Variants in HDAC9 observed in about 807,000 individuals in gnomAD.
The protein encoded by HDAC9 is MEF-2 interacting transcription repressor (MITR) protein.
Under a neutral mutation model 139.4 loss-of-function variants are expected in HDAC9, and 41 were observed. The observed-to-expected ratio is 0.29, with a 90% CI of 0.23 to 0.38. The LOEUF (loss-of-function observed/expected upper bound fraction) is 0.38. Ranked by LOEUF, HDAC9 falls within the 10% of genes least tolerant of loss-of-function variation. The probability of loss-of-function intolerance (pLI) is 1.00; values close to 1 mark genes in which losing one functional copy is unlikely to be tolerated. For synonymous variants in HDAC9, 517 were observed against 476.2 expected, an observed-to-expected ratio of 1.09 and a Z score of -1.12; for missense variants, 1,147 against 1,297.0, an observed-to-expected ratio of 0.88 and a Z score of 1.78.
intron 2 of HDAC9, among the ~76,000 whole-genome samples, chr7:18,202,976 A>T (rs143493496): frequency 6.6e-6 from 1 of 152,194 alleles, no homozygotes. Context: ...GATTAAATGG[A>T]TGAATATATG....
intron 17 of HDAC9, among the ~76,000 whole-genome samples, chr7:18,802,345 A>G (rs1793370140): frequency 6.6e-6 from 1 of 151,966 alleles, no homozygotes; most frequent in Admixed American, 6.6e-5. Flanking sequence ...TATTGACTCA[A>G]TTTAAATATA....
At chr7:18,796,999 A>G (rs1311026488) in intron 17 of HDAC9, among the ~76,000 whole-genome samples, 2 of 152,196 alleles carry the variant, frequency 1.3e-5, no homozygotes, top group African/African-American at 4.8e-5. Context: ...ATTTGAGCAT[A>G]TACTGAATGA....
intron 1 of HDAC9, among the ~76,000 whole-genome samples, chr7:18,294,422 C>T (rs527964698): frequency 6.6e-6 from 1 of 151,624 alleles, no homozygotes; most frequent in Non-Finnish European, 1.5e-5. Context: ...ATAGCGTATC[C>T]TATAGTCTTT....
chr7:18,223,593 T>C (rs1201412970), intron 2 of HDAC9, among the ~76,000 whole-genome samples: 2 of 152,136 alleles, frequency 1.3e-5, no homozygotes, highest in African/African-American at 2.4e-5. Context: ...AGATTATTAA[T>C]ACAAACAAAC....
chr7:18,132,555 C>T (rs1318367766), intron 1 of HDAC9, among the ~76,000 whole-genome samples: 2 of 152,110 alleles, frequency 1.3e-5, no homozygotes, highest in African/African-American at 2.4e-5. Flanking sequence ...ACCGCAGGCA[C>T]ATACTACCAC....
At chr7:18,204,060 A>C (rs903719984) in intron 2 of HDAC9, among the ~76,000 whole-genome samples, 7 of 152,188 alleles carry the variant, frequency 4.6e-5, no homozygotes, top group African/African-American at 1.7e-4. Flanking sequence ...TCCTAGTTAG[A>C]TATCAATGGG....
chr7:18,941,565 C>G (rs1260076297), intron 23 of HDAC9, among the ~76,000 whole-genome samples: 1 of 152,122 alleles, frequency 6.6e-6, no homozygotes, highest in Non-Finnish European at 1.5e-5. Context: ...ATGGCTGAAG[C>G]TTAGTCCATT....
At chr7:18,988,795 T>C (rs2129347628) in intron 25 of HDAC9, among the ~76,000 whole-genome samples, 1 of 152,044 alleles carries the variant, frequency 6.6e-6, no homozygotes, top group Admixed American at 6.6e-5. Context: ...TCTTGTTGAA[T>C]TGACCCCTTT....
intron 1 of HDAC9, among the ~76,000 whole-genome samples, chr7:18,341,687 A>G (rs1357422230): frequency 5.3e-5 from 8 of 151,566 alleles, no homozygotes; most frequent in South Asian, 4.2e-4. Context: ...TTTCTCTTCA[A>G]TTAATTCTAG....
chr7:18,716,378 A>G (rs1014394313), intron 12 of HDAC9, among the ~76,000 whole-genome samples: 2 of 152,200 alleles, frequency 1.3e-5, no homozygotes, highest in Non-Finnish European at 2.9e-5. Flanking sequence ...TTTCTATTGC[A>G]AAAGACATTA....
At chr7:18,383,339 C>T (rs1585515009) in intron 1 of HDAC9, among the ~76,000 whole-genome samples, 1 of 152,176 alleles carries the variant, frequency 6.6e-6, no homozygotes, top group Admixed American at 6.5e-5. Flanking sequence ...GATGTTGTCA[C>T]ATTTCCCTGC....
chr7:18,964,200 C>G (rs1783705460), intron 24 of HDAC9, among the ~76,000 whole-genome samples: 1 of 152,190 alleles, frequency 6.6e-6, no homozygotes, highest in Non-Finnish European at 1.5e-5. Context: ...AACTTACCTT[C>G]TTTCAGTTCC....
intron 1 of HDAC9, among the ~76,000 whole-genome samples, chr7:18,330,777 T>C (rs1800859089): frequency 6.6e-6 from 1 of 151,728 alleles, no homozygotes; most frequent in Non-Finnish European, 1.5e-5. Flanking sequence ...ACAGTAACAC[T>C]GGCAGGTGCC....
chr7:18,553,609 G>A (rs1313653554), intron 2 of HDAC9, among the ~76,000 whole-genome samples: 2 of 152,154 alleles, frequency 1.3e-5, no homozygotes, highest in African/African-American at 4.8e-5. Context: ...GTAACTATTG[G>A]TAGGGGATTT....
chr7:18,705,409 C>T (rs1039377258), intron 12 of HDAC9, among the ~76,000 whole-genome samples: 2 of 152,186 alleles, frequency 1.3e-5, no homozygotes, highest in Non-Finnish European at 2.9e-5. Context: ...TTCTCCTCCA[C>T]TCCCCACCCG....
intron 6 of HDAC9, among the ~76,000 whole-genome samples, chr7:18,626,440 G>T (rs1431397496): frequency 1.3e-5 from 2 of 152,142 alleles, no homozygotes; most frequent in Non-Finnish European, 2.9e-5. Context: ...TGAATCTGTT[G>T]GGGGGAAAAT....
intron 2 of HDAC9, among the ~76,000 whole-genome samples, chr7:18,221,373 G>A (rs371945805): frequency 6.6e-6 from 1 of 152,110 alleles, no homozygotes; most frequent in South Asian, 2.1e-4. Flanking sequence ...GCAAAGTGCT[G>A]GGATTACAGG....
chr7:18,167,742 A>G (rs191058760), intron 2 of HDAC9, among the ~76,000 whole-genome samples: 15 of 152,260 alleles, frequency 9.9e-5, no homozygotes, highest in Admixed American at 9.2e-4. Context: ...GTTGAGTGGA[A>G]TTTAGCCACG....
intron 1 of HDAC9, among the ~76,000 whole-genome samples, chr7:18,351,828 A>G (rs139170228): frequency 4.0e-3 from 612 of 152,338 alleles, no homozygotes; most frequent in Non-Finnish European, 6.2e-3. Context: ...TGAGTCATTC[A>G]TACAGGCACA....
Sources: allele counts gnomAD v4.1 joint callset (sites outside exome capture counted in the v4.1 genomes callset), GRCh38; gene constraint gnomAD v4.1.1; transcripts MANE v1.5; gene names NCBI Gene and HGNC (gene_info 2026-07-23, HGNC 2026-07-21).